The following RTN3 variants were observed in gnomAD, a reference collection of about 807,000 sequenced individuals.
The protein encoded by RTN3 is reticulon-3.
RTN3 carries 49 observed loss-of-function variants against 77.8 expected under a neutral mutation model. The observed-to-expected ratio is 0.63, with a 90% CI of 0.50 to 0.80. The LOEUF (loss-of-function observed/expected upper bound fraction) is 0.80. Among genes scored for constraint, RTN3 ranks in the 30% least tolerant of loss-of-function variants. RTN3 has a pLI of 0.00. For missense variants in RTN3, 1,236 were observed against 1,211.9 expected (o/e 1.02, Z -0.29); for synonymous variants, 464 against 446.9 (o/e 1.04, Z -0.48).
At chr11:63,683,916 G>A (rs947078035) in intron 1 of RTN3, among the ~76,000 whole-genome samples, 9 of 120,226 alleles carry the variant, frequency 7.5e-5, no homozygotes, top group African/African-American at 2.7e-4. Flanking sequence ...GTTTCCACTC[G>A]TTATTTCTTT....
intron 1 of RTN3, among the ~76,000 whole-genome samples, chr11:63,684,096 C>T (rs1306146716): frequency 7.5e-6 from 1 of 132,518 alleles, no homozygotes; most frequent in Non-Finnish European, 1.5e-5. Flanking sequence ...GAATTACAGG[C>T]GTGTGCCACC....
intron 2 of RTN3, among the ~76,000 whole-genome samples, chr11:63,716,843 C>A (rs2011428224): frequency 1.3e-5 from 2 of 152,042 alleles, no homozygotes; most frequent in South Asian, 4.2e-4. Context: ...GCGGCGGGTG[C>A]CTGTAGTCCC....
At chr11:63,694,232 A>G (rs2134660471) in intron 1 of RTN3, among the ~76,000 whole-genome samples, 1 of 151,968 alleles carries the variant, frequency 6.6e-6, no homozygotes, top group African/African-American at 2.4e-5. Flanking sequence ...GCTGGAGTGC[A>G]ATGGCGTGAT....
chr11:63,714,035 T>A (rs1444691886), intron 2 of RTN3: 1 of 518,756 alleles, frequency 1.9e-6, no homozygotes, highest in African/African-American at 1.9e-5. Flanking sequence ...AGTCTTTGCT[T>A]ATCGGAGCTG....
intron 3 of RTN3, among the ~76,000 whole-genome samples, chr11:63,724,439 T>C (rs1025014481): frequency 2.0e-5 from 3 of 146,818 alleles, no homozygotes; most frequent in African/African-American, 7.5e-5. Context: ...CACCTCGGCC[T>C]CCCAAAGTGC....
rs140379673 is a variant in RTN3, at chr11:63,746,520, G to GT, written c.2531-3459dup. 5.1e-3 allele frequency among the ~76,000 whole-genome samples: 726 copies of GT among 143,058 alleles called. 3 individuals are homozygous for GT. Among genetic ancestry groups the GT allele is most frequent in the East Asian group, 0.02 (99 of 4,914 alleles). The allele number at this position is 143,058 out of a possible 152,430, so 93.9% of individuals were successfully genotyped here. A position where few individuals can be genotyped will look rare whatever the true frequency, so the allele number is the denominator to read the frequency against. On this transcript the variant is annotated intron_variant, in intron 3 of 8. Coordinates refer to ENST00000377819, the MANE Select transcript of RTN3 (RefSeq NM_001265589.2). ...AAGGAAATTTTGCTTTTTGTTTTTTGTTTTTTTTTTTTGAGACGGAGTCTC... is the reference window on the plus strand; with the variant it reads ...AAGGAAATTTTGCTTTTTGTTTTTTGTTTTTTTTTTTTTGAGACGGAGTCTC...
At chr11:63,713,044 A>C (rs1011273194) in intron 2 of RTN3, among the ~76,000 whole-genome samples, 2 of 152,090 alleles carry the variant, frequency 1.3e-5, no homozygotes, top group African/African-American at 2.4e-5. Flanking sequence ...GCGGTGAGCC[A>C]AGGTCACACC....
chr11:63,695,306 C>T (rs1263922856), intron 1 of RTN3, among the ~76,000 whole-genome samples: 1 of 151,572 alleles, frequency 6.6e-6, no homozygotes, highest in Non-Finnish European at 1.5e-5. Flanking sequence ...TTTTTTTTCC[C>T]CCTGAAATTC....
chr11:63,725,432 CT>C (rs552733896), intron 3 of RTN3, among the ~76,000 whole-genome samples: 32 of 146,250 alleles, frequency 2.2e-4, no homozygotes, highest in East Asian at 4.0e-4. Flanking sequence ...TAACATTCTT[CT>C]TTTTTTTTTT....
rs751556248 is a variant in RTN3 at position 63,720,254 on chromosome 11, A to G, written c.1752A>G (p.Lys584=). The change falls in exon 3 of 9, where the codon AAA becomes AAG. Residue 584 remains lysine, a synonymous_variant. Coordinates refer to ENST00000377819, the MANE Select transcript of RTN3 (RefSeq NM_001265589.2). ...CAGCTAGTGAGGCAGCATGTTCAAA[A>G]GTACCCGATACGAATGTCTCCTTAG... ...RSPASEAACS[K]VPDTNVSLED... is the part of the protein sequence containing the mutation. 1.2e-6 allele frequency: 2 copies of G among 1,614,028 alleles called. No homozygotes were observed. The highest frequency in any genetic ancestry group is 1.7e-6 in the Non-Finnish European group (2 of 1,179,990).
At chr11:63,699,078 A>G (rs1942105041) in intron 1 of RTN3, among the ~76,000 whole-genome samples, 1 of 152,196 alleles carries the variant, frequency 6.6e-6, no homozygotes, top group Non-Finnish European at 1.5e-5. Context: ...ACTTTAGGTC[A>G]GGAGTTTGAG....
intron 3 of RTN3, among the ~76,000 whole-genome samples, chr11:63,741,672 T>C (rs759163355): frequency 2.0e-5 from 3 of 152,074 alleles, no homozygotes; most frequent in East Asian, 1.9e-4. Flanking sequence ...AGCTAACTTA[T>C]GTGTTTTTAG....
intron 1 of RTN3, among the ~76,000 whole-genome samples, chr11:63,689,959 T>G (rs1328401575): frequency 6.6e-6 from 1 of 152,060 alleles, no homozygotes; most frequent in Non-Finnish European, 1.5e-5. Context: ...GGTTTCACCA[T>G]GTTGGTCAGG....
At chr11:63,718,078 A>G (rs1460184748) in intron 2 of RTN3, among the ~76,000 whole-genome samples, 2 of 152,030 alleles carry the variant, frequency 1.3e-5, no homozygotes, top group Non-Finnish European at 2.9e-5. Context: ...AGTTTAGAAC[A>G]TCACAGCTAT....
chr11:63,696,877 CTTTCTTTT>C (rs1275972957), intron 1 of RTN3, among the ~76,000 whole-genome samples: 1 of 52,248 alleles, frequency 1.9e-5, no homozygotes, highest in Non-Finnish European at 3.6e-5. Context: ...TTCTTTCTTT[CTTTCTTTT>C]TTTTTTTTTT....
chr11:63,699,755 T>TA (rs1433516538), intron 1 of RTN3, among the ~76,000 whole-genome samples: 1 of 152,230 alleles, frequency 6.6e-6, no homozygotes, highest in Non-Finnish European at 1.5e-5. Flanking sequence ...GAAACATTCT[T>TA]AATTTACCAT....
intron 8 of RTN3, among the ~76,000 whole-genome samples, chr11:63,757,115 C>T (rs372561834): frequency 4.6e-5 from 7 of 152,164 alleles, no homozygotes; most frequent in African/African-American, 1.4e-4. Context: ...TTAAGCCAAA[C>T]GTATCCCTCT....
intron 2 of RTN3, among the ~76,000 whole-genome samples, chr11:63,709,737 G>GT (rs1243591469): frequency 1.3e-5 from 2 of 152,030 alleles, no homozygotes; most frequent in East Asian, 3.9e-4. Flanking sequence ...GTCTTGTTTT[G>GT]TGAACATGAG....
intron 3 of RTN3, among the ~76,000 whole-genome samples, chr11:63,729,185 T>C (rs2012500737): frequency 6.6e-6 from 1 of 151,832 alleles, no homozygotes; most frequent in Non-Finnish European, 1.5e-5. Flanking sequence ...CTAAAGGAAG[T>C]TTTTCAGATT....
Sources: allele counts gnomAD v4.1 joint callset (sites outside exome capture counted in the v4.1 genomes callset), GRCh38; gene constraint gnomAD v4.1.1; transcripts MANE v1.5; gene names NCBI Gene and HGNC (gene_info 2026-07-23, HGNC 2026-07-21).